RNFT2: variants seen among roughly 807,000 people sequenced by gnomAD.
The protein encoded by RNFT2 is ring finger protein, transmembrane 2.
Under a neutral mutation model 53.0 loss-of-function variants are expected in RNFT2, and 36 were observed. The observed-to-expected ratio is 0.68, with a 90% confidence interval of 0.52 to 0.90. The LOEUF (loss-of-function observed/expected upper bound fraction) is 0.90. Among genes scored for constraint, RNFT2 ranks in the 40% least tolerant of loss-of-function variants. The pLI is 0.00. For synonymous variants in RNFT2, 260 were observed against 253.2 expected, an observed-to-expected ratio of 1.03 and a Z score of -0.26; for missense variants, 514 against 585.6, an observed-to-expected ratio of 0.88 and a Z score of 1.26.
At chr12:116,755,253 C>T (rs1023511495) in intron 5 of RNFT2, 14 of 602,196 alleles carry the variant, frequency 2.3e-5, no homozygotes, top group African/African-American at 3.7e-5. Flanking sequence ...TGTCCTTTCC[C>T]CACTTTATGT....
chr12:116,743,243 AACCGG>A (rs1871723561), intron 3 of RNFT2, among the ~76,000 whole-genome samples: 3 of 80,104 alleles, frequency 3.7e-5, no homozygotes, highest in African/African-American at 1.2e-4. Flanking sequence ...AAAAAAAAAA[AACCGG>A]TTAAAAAACA....
chr12:116,811,541 A>C (rs1358820677), intron 7 of RNFT2, among the ~76,000 whole-genome samples: 1 of 151,940 alleles, frequency 6.6e-6, no homozygotes, highest in Non-Finnish European at 1.5e-5. Context: ...ACACCTGGCT[A>C]ATTTTTGTAT....
Position 116,741,359 on chromosome 12 carries a change from T to C in RNFT2, c.83+265T>C, listed in dbSNP as rs114382338. Among the ~76,000 whole-genome samples, 424 of 152,356 alleles carry C rather than the reference T, an allele frequency of 2.8e-3. 2 individuals are homozygous for C. The highest frequency in any genetic ancestry group is 9.7e-3 in the African/African-American group (403 of 41,584). On this transcript the variant is annotated intron_variant, in intron 3 of 10. Transcript: ENST00000257575. ...TGATTTATAGAGATGTCTTAGTCCA[T>C]ACAGGCTGCTATCACAAAAATATCA...
chr12:116,800,858 TAA>T lies in RNFT2; in HGVS notation c.882+21514_882+21515del, dbSNP rs551327055. On this transcript the variant is annotated intron_variant, in intron 7 of 10. Transcript: ENST00000257575. Reference sequence around the variant, plus strand: ...TAAAATAAAATAAAATAAAATAAAATAAAAACCATTTAACAGATAAAACAGAG... The same window carrying T: ...TAAAATAAAATAAAATAAAATAAAATAAACCATTTAACAGATAAAACAGAG... 3.1e-3 allele frequency among the ~76,000 whole-genome samples: 444 copies of T among 141,808 alleles called. 10 individuals are homozygous for T. The East Asian group carries it at 0.04, about 13-fold the overall frequency. The allele number at this position is 141,808 out of a possible 152,430, so 93.0% of individuals were successfully genotyped here.
chr12:116,748,008 C>T (rs7301614), intron 3 of RNFT2, among the ~76,000 whole-genome samples: 114,846 of 151,906 alleles, frequency 0.76, 43,657 homozygotes, highest in East Asian at 0.99. Flanking sequence ...CTGGCCAACG[C>T]GGTGAAACCC....
intron 10 of RNFT2, among the ~76,000 whole-genome samples, chr12:116,846,470 G>A (rs1389308410): frequency 2.0e-5 from 2 of 99,170 alleles, no homozygotes; most frequent in African/African-American, 7.6e-5. Context: ...ATGGGGCATG[G>A]GGGTGGAGGA....
At chr12:116,827,968 C>A (rs763821246) in intron 7 of RNFT2, among the ~76,000 whole-genome samples, 2 of 152,180 alleles carry the variant, frequency 1.3e-5, no homozygotes, top group Non-Finnish European at 2.9e-5. Flanking sequence ...GTTGTTGAGA[C>A]TGGCCTGCAA....
At position 116,853,554 on chromosome 12, in the gene RNFT2, T is replaced by C. The variant is rs1222734397; in HGVS notation, c.*4106T>C. ...CTGGAATCTTTTAGGACTTCTGCTG[T>C]AGGACAAACAGCTGCCTTTGGTGTT... On this transcript the variant is annotated 3_prime_UTR_variant, in exon 11 of 11. Coordinates refer to ENST00000257575, the MANE Select transcript of RNFT2 (RefSeq NM_001382266.1). The C allele has an allele frequency of 9.9e-6, 2 of 201,458 alleles. No homozygotes were observed. Among genetic ancestry groups the C allele is most frequent in the Non-Finnish European group, 2.0e-5 (2 of 100,564 alleles). The allele number at this position is 201,458 out of a possible 1,614,324, so 12.5% of individuals were successfully genotyped here. A position where few individuals can be genotyped will look rare whatever the true frequency, so the allele number is the denominator to read the frequency against.
chr12:116,810,886 A>T (rs951761052), intron 7 of RNFT2, among the ~76,000 whole-genome samples: 9 of 152,182 alleles, frequency 5.9e-5, no homozygotes, highest in African/African-American at 2.2e-4. Context: ...GGAGAGAAGA[A>T]AAGGTAGCAG....
Position 116,761,688 on chromosome 12 carries a change from C to T in RNFT2, c.628-5126C>T, listed in dbSNP as rs1442760377. ...CTGAGGAAACAGTGGCTCAGAGACA[C>T]TAAGTTCCTTACCTGAGGTCACACA... is the stretch of plus-strand genomic sequence containing the variant. On this transcript the variant is annotated intron_variant, in intron 5 of 10. Transcript: ENST00000257575. 7.2e-5 allele frequency among the ~76,000 whole-genome samples: 11 copies of T among 152,298 alleles called. No homozygotes were observed. The East Asian group carries it at 2.1e-3, about 29-fold the overall frequency.
rs181632367 is a variant in RNFT2 at position 116,757,738 on chromosome 12, C to G, written c.627+3678C>G. 2.1e-3 allele frequency among the ~76,000 whole-genome samples: 316 copies of G among 152,162 alleles called. 3 individuals are homozygous for G. Among genetic ancestry groups the G allele is most frequent in the Non-Finnish European group, 3.3e-3 (222 of 68,004 alleles). Reference sequence around the variant, plus strand: ...AATTTATTGAGGCTCGTTTTGTGGCCTATCATATAGTCTATCTTGGAGAAA... The same window carrying G: ...AATTTATTGAGGCTCGTTTTGTGGCGTATCATATAGTCTATCTTGGAGAAA... On this transcript the variant is annotated intron_variant, in intron 5 of 10. Transcript: ENST00000257575.
chr12:116,784,493 T>G (rs117250218), intron 7 of RNFT2, among the ~76,000 whole-genome samples: 2,889 of 152,256 alleles, frequency 0.019, 48 homozygotes, highest in Middle Eastern at 0.037. Flanking sequence ...CGAAAAAACA[T>G]GGCTGCCTAG....
chr12:116,774,250 C>T (rs1320580777), intron 6 of RNFT2, among the ~76,000 whole-genome samples: 1 of 152,138 alleles, frequency 6.6e-6, no homozygotes, highest in Non-Finnish European at 1.5e-5. Context: ...TGTGAATGTA[C>T]TTAGCATCAT....
chr12:116,848,363 T>TTG (rs1486815459), intron 10 of RNFT2, among the ~76,000 whole-genome samples: 1 of 152,148 alleles, frequency 6.6e-6, no homozygotes, highest in East Asian at 1.9e-4. Context: ...CTCTTGACCC[T>TTG]TGTGTTCTAT....
At chr12:116,817,752 TCAAA>T (rs1875761567) in intron 7 of RNFT2, among the ~76,000 whole-genome samples, 2 of 152,318 alleles carry the variant, frequency 1.3e-5, no homozygotes, top group African/African-American at 4.8e-5. Context: ...CACTTTACAC[TCAAA>T]CAAACCTGAG....
intron 7 of RNFT2, among the ~76,000 whole-genome samples, chr12:116,780,030 C>G (rs2137117575): frequency 6.6e-6 from 1 of 152,044 alleles, no homozygotes; most frequent in African/African-American, 2.4e-5. Context: ...TGTTTGAAGT[C>G]TCCTGCTTTC....
At chr12:116,829,726 C>T (rs1012954469) in intron 7 of RNFT2, among the ~76,000 whole-genome samples, 2 of 152,160 alleles carry the variant, frequency 1.3e-5, no homozygotes, top group African/African-American at 4.8e-5. Context: ...ATTATAGGCA[C>T]GTGCCACCAT....
intron 4 of RNFT2, among the ~76,000 whole-genome samples, chr12:116,753,433 G>A (rs1872350576): frequency 6.6e-6 from 1 of 152,150 alleles, no homozygotes; most frequent in African/African-American, 2.4e-5. Flanking sequence ...TTACAAGTGT[G>A]TGCCACTGCA....
At chr12:116,831,209 A>AAG (rs1555209607) in intron 7 of RNFT2, among the ~76,000 whole-genome samples, 3,317 of 151,282 alleles carry the variant, frequency 0.022, 53 homozygotes, top group Non-Finnish European at 0.033. Context: ...AAAAAAAAAA[A>AAG]AGAGAGAGAG....
Sources: gnomAD v4.1 joint callset for allele counts (sites outside exome capture counted in the v4.1 genomes callset) on GRCh38, gnomAD v4.1.1 for gene constraint, MANE v1.5 for transcripts, NCBI Gene and HGNC (gene_info 2026-07-23, HGNC 2026-07-21) for gene names.